The following SLC4A7 variants were observed in gnomAD, a reference collection of about 807,000 sequenced individuals.
SLC4A7 encodes the protein sodium bicarbonate cotransporter 3.
SLC4A7 carries 51 observed loss-of-function variants against 137.6 expected under a neutral mutation model. The observed-to-expected ratio is 0.37, with a 90% confidence interval of 0.30 to 0.47. The LOEUF is 0.47. Ranked by LOEUF, SLC4A7 falls within the 20% of genes least tolerant of loss-of-function variation. The probability of loss-of-function intolerance (pLI) is 1.00; values close to 1 mark genes in which losing one functional copy is unlikely to be tolerated. For synonymous variants in SLC4A7, 542 were observed against 518.6 expected, an observed-to-expected ratio of 1.05 and a Z score of -0.61; for missense variants, 1,247 against 1,525.4, an observed-to-expected ratio of 0.82 and a Z score of 3.04.
At chr3:27,393,098 G>A (rs2150094668) in intron 20 of SLC4A7, among the ~76,000 whole-genome samples, 1 of 152,198 alleles carries the variant, frequency 6.6e-6, no homozygotes, top group South Asian at 2.1e-4. Context: ...GAAAAGGGAA[G>A]TAAACAGGGG....
At chr3:27,406,995 T>G (rs981588646) in intron 13 of SLC4A7, among the ~76,000 whole-genome samples, 3 of 151,548 alleles carry the variant, frequency 2.0e-5, no homozygotes, top group African/African-American at 4.8e-5. Context: ...AGCAAAACAT[T>G]GAGACATGAA....
chr3:27,408,159 T>A (rs2053563116), intron 13 of SLC4A7, among the ~76,000 whole-genome samples: 1 of 152,228 alleles, frequency 6.6e-6, no homozygotes, highest in Non-Finnish European at 1.5e-5. Flanking sequence ...TCACTTAGAA[T>A]CCTTGAGGAC....
At chr3:27,464,127 T>C (rs141219995) in intron 1 of SLC4A7, among the ~76,000 whole-genome samples, 4 of 152,196 alleles carry the variant, frequency 2.6e-5, no homozygotes, top group Admixed American at 6.5e-5. Context: ...TGAGCCGAGA[T>C]TGCGCCACTG....
intron 7 of SLC4A7, among the ~76,000 whole-genome samples, chr3:27,427,102 G>A (rs1220951323): frequency 6.6e-6 from 1 of 152,106 alleles, no homozygotes; most frequent in Non-Finnish European, 1.5e-5. Context: ...AGGGACTTGT[G>A]ACAATGTCTG....
intron 1 of SLC4A7, among the ~76,000 whole-genome samples, chr3:27,460,359 A>G (rs1012936500): frequency 2.0e-5 from 3 of 152,192 alleles, no homozygotes; most frequent in Admixed American, 2.0e-4. Context: ...ATCAAGGTGC[A>G]TAACATTTAC....
chr3:27,478,523 A>AC (rs1191270113), intron 1 of SLC4A7, among the ~76,000 whole-genome samples: 2 of 151,772 alleles, frequency 1.3e-5, no homozygotes, highest in Admixed American at 1.3e-4. Flanking sequence ...AAAAAAAAAA[A>AC]AAAAAAACCC....
intron 7 of SLC4A7, among the ~76,000 whole-genome samples, chr3:27,425,676 C>CAAAAA (rs59895795): frequency 4.1e-4 from 25 of 61,492 alleles, no homozygotes; most frequent in Admixed American, 1.0e-3. Flanking sequence ...AACTCTGTCT[C>CAAAAA]AAAAAAAAAA....
At chr3:27,386,201 TA>T (rs34806095) in intron 22 of SLC4A7, among the ~76,000 whole-genome samples, 178 bp from the exon 23 acceptor site, 34,020 of 141,290 alleles carry the variant, frequency 0.24, 4,036 homozygotes, top group South Asian at 0.33. Flanking sequence ...TACTTTGTGC[TA>T]AAAAAAAAAA....
chr3:27,389,593 A>G (rs1559636911), intron 22 of SLC4A7, among the ~76,000 whole-genome samples: 1 of 152,188 alleles, frequency 6.6e-6, no homozygotes, highest in Non-Finnish European at 1.5e-5. Context: ...ATATCAAAGT[A>G]TTTTAATAAT....
intron 1 of SLC4A7, among the ~76,000 whole-genome samples, chr3:27,454,707 C>G (rs77770788): frequency 6.6e-6 from 1 of 152,122 alleles, no homozygotes; most frequent in African/African-American, 2.4e-5. Context: ...AAAAGATAAG[C>G]TCTCCTAAGT....
chr3:27,471,025 T>C (rs952880451), intron 1 of SLC4A7, among the ~76,000 whole-genome samples: 2 of 152,176 alleles, frequency 1.3e-5, no homozygotes, highest in South Asian at 2.1e-4. Context: ...GTACATAACA[T>C]ACCTCTTCAC....
chr3:27,455,858 A>G (rs867915349), intron 1 of SLC4A7, among the ~76,000 whole-genome samples: 1 of 151,960 alleles, frequency 6.6e-6, no homozygotes, highest in South Asian at 2.1e-4. Flanking sequence ...CCTTGTCTCA[A>G]AAAAAAACAC....
chr3:27,420,041 T>C (rs1183930105), intron 10 of SLC4A7, among the ~76,000 whole-genome samples: 1 of 151,728 alleles, frequency 6.6e-6, no homozygotes, highest in Non-Finnish European at 1.5e-5. Flanking sequence ...ACAGAAAAAT[T>C]AGCTGGGCAT....
intron 21 of SLC4A7, 156 bp from the exon 22 acceptor site, chr3:27,390,260 G>A: frequency 1.6e-5 from 3 of 193,400 alleles, no homozygotes; most frequent in Non-Finnish European, 3.4e-5. Flanking sequence ...GCATTCTCTG[G>A]ATCCAAAGTG....
At chr3:27,473,491 G>A (rs1258532090) in intron 1 of SLC4A7, among the ~76,000 whole-genome samples, 1 of 151,868 alleles carries the variant, frequency 6.6e-6, no homozygotes, top group Non-Finnish European at 1.5e-5. Flanking sequence ...GTCAAGGTAG[G>A]CGGATCACTT....
chr3:27,391,132 T>G (rs1489011961), intron 21 of SLC4A7, among the ~76,000 whole-genome samples: 1 of 152,230 alleles, frequency 6.6e-6, no homozygotes, highest in Non-Finnish European at 1.5e-5. Flanking sequence ...CTAAATGTTT[T>G]ATACTAAAAT....
intron 2 of SLC4A7, 61 bp from the exon 3 acceptor site, chr3:27,448,858 A>G: frequency 2.4e-6 from 3 of 1,253,980 alleles, no homozygotes; most frequent in Non-Finnish European, 3.3e-6. Flanking sequence ...TGATATATAC[A>G]AAAGTACTCC....
intron 13 of SLC4A7, among the ~76,000 whole-genome samples, chr3:27,408,549 T>C (rs922616756): frequency 6.6e-6 from 1 of 152,206 alleles, no homozygotes; most frequent in Non-Finnish European, 1.5e-5. Context: ...GCCTTAGCTT[T>C]GGTTATTTTT....
chr3:27,390,805 A>G (rs929895920), intron 21 of SLC4A7, among the ~76,000 whole-genome samples: 10 of 151,892 alleles, frequency 6.6e-5, no homozygotes, highest in African/African-American at 2.4e-4. Context: ...GTGCTTTATG[A>G]TCGTTTTTTT....
Sources: allele counts gnomAD v4.1 joint callset (sites outside exome capture counted in the v4.1 genomes callset), GRCh38; gene constraint gnomAD v4.1.1; transcripts MANE v1.5; gene names NCBI Gene and HGNC (gene_info 2026-07-23, HGNC 2026-07-21).